Variants in ADAMTSL1 observed in about 807,000 individuals in gnomAD.
ADAMTSL1 encodes ADAMTS like 1.
A neutral mutation model predicts 201.8 loss-of-function variants in ADAMTSL1; 126 were observed. The observed-to-expected ratio is 0.62, with a 90% CI of 0.54 to 0.72. The LOEUF (loss-of-function observed/expected upper bound fraction) is 0.72, where lower values mean the gene tolerates loss of function less well. ADAMTSL1 is among the 30% of genes least tolerant of loss of function. The probability of loss-of-function intolerance (pLI) is 0.00; values close to 1 mark genes in which losing one functional copy is unlikely to be tolerated. For missense variants in ADAMTSL1, 2,679 were observed against 2,277.8 expected, an observed-to-expected ratio of 1.18 and a Z score of -3.59; for synonymous variants, 1,121 against 903.4, an observed-to-expected ratio of 1.24 and a Z score of -4.32.
At chr9:18,463,770 T>G (rs149161515) in intron 2 of ADAMTSL1, among the ~76,000 whole-genome samples, 69 of 152,342 alleles carry the variant, frequency 4.5e-4, no homozygotes, top group Middle Eastern at 3.4e-3. Flanking sequence ...AAGACTTGGG[T>G]TGCTTTTATT....
chr9:18,612,290 G>A (rs1457936522), intron 4 of ADAMTSL1, among the ~76,000 whole-genome samples: 2 of 152,178 alleles, frequency 1.3e-5, no homozygotes, highest in Admixed American at 6.5e-5. Context: ...CTTTTAGAGA[G>A]TGTTCTTTTG....
chr9:18,777,581 A>G lies in ADAMTSL1; in HGVS notation c.3352A>G (p.Thr1118Ala). The stretch of plus-strand genomic sequence containing the variant: ...CCGCAGCCACCTGGAGCACCAGGAC[A>G]CGCTCCTGAAGCCCTCGGAGCGCAG... The part of the protein sequence containing the change: ...IFRSHLEHQD[T>A]LLKPSERRTS... The change falls in exon 19 of 29, where the codon ACG (threonine) becomes GCG (alanine). Residue 1118 changes from threonine to alanine, a missense_variant. By Grantham distance (58) the Thr-to-Ala change is moderately conservative. Coordinates refer to ENST00000380548, the MANE Select transcript of ADAMTSL1 (RefSeq NM_001040272.6). 6.2e-7 allele frequency: 1 copy of G among 1,611,248 alleles called. No individual in the cohort carries two copies. The highest frequency in any genetic ancestry group is 8.5e-7 in the Non-Finnish European group (1 of 1,178,892).
intron 1 of ADAMTSL1, among the ~76,000 whole-genome samples, chr9:18,000,018 G>A (rs1424353799): frequency 2.1e-5 from 3 of 145,396 alleles, no homozygotes; most frequent in Non-Finnish European, 4.5e-5. Context: ...TGGACATTTG[G>A]GTTGGTTCCA....
intron 1 of ADAMTSL1, among the ~76,000 whole-genome samples, chr9:18,145,042 TG>T (rs1826574120): frequency 6.6e-6 from 1 of 152,178 alleles, no homozygotes; most frequent in Non-Finnish European, 1.5e-5. Flanking sequence ...AGTGAGGAGA[TG>T]GCCTCATTCT....
intron 1 of ADAMTSL1, among the ~76,000 whole-genome samples, chr9:17,965,861 T>C (rs1019916085): frequency 6.6e-6 from 1 of 152,160 alleles, no homozygotes; most frequent in East Asian, 1.9e-4. Flanking sequence ...GCGATGGGAT[T>C]CTACATCCCA....
chr9:18,389,920 T>C (rs1418026062), intron 2 of ADAMTSL1, among the ~76,000 whole-genome samples: 1 of 152,088 alleles, frequency 6.6e-6, no homozygotes, highest in Non-Finnish European at 1.5e-5. Flanking sequence ...CTTTTTACAG[T>C]GATAAGTCTC....
In ADAMTSL1 at chr9:18,479,271, G is replaced by A. The variant is rs79915980; in HGVS notation, c.63+4976G>A. ...GCAGTTAGTTAAGTTTTCTGGCCAC[G>A]TCAAGAAGATGCCCAATGGCTGTAA... On this transcript the variant is annotated intron_variant, in intron 1 of 28. Coordinates refer to ENST00000380548, the MANE Select transcript of ADAMTSL1 (RefSeq NM_001040272.6). Among the ~76,000 whole-genome samples, 6 of 152,314 alleles carry A rather than the reference G, an allele frequency of 3.9e-5. No homozygotes were observed. In the East Asian group the frequency reaches 7.7e-4, roughly 20 times the overall value.
At chr9:18,755,663 C>A (rs997244507) in intron 16 of ADAMTSL1, among the ~76,000 whole-genome samples, 4 of 152,124 alleles carry the variant, frequency 2.6e-5, no homozygotes, top group Non-Finnish European at 4.4e-5. Flanking sequence ...CCTGTATGCC[C>A]AGCATCCCTA....
At position 18,533,240 on chromosome 9, in the gene ADAMTSL1, A is replaced by T; in HGVS notation, c.192-7A>T. ...AGTAATATTTCTTTTTTCTTTTTGC[A>T]ACTTAGGAGCTGTGAAGGAAGAAAT... is the stretch of plus-strand genomic sequence containing the variant. On this transcript the variant is annotated splice_polypyrimidine_tract_variant and splice_region_variant and intron_variant, in intron 2 of 28. Transcript: ENST00000380548. 6.2e-7 allele frequency: 1 copy of T among 1,601,890 alleles called. No individual in the cohort carries two copies. The highest frequency in any genetic ancestry group is 8.5e-7 in the Non-Finnish European group (1 of 1,174,822).
intron 16 of ADAMTSL1, among the ~76,000 whole-genome samples, chr9:18,755,104 A>G (rs1341371516): frequency 6.6e-6 from 1 of 152,212 alleles, no homozygotes; most frequent in South Asian, 2.1e-4. Context: ...CCTTTCAGGG[A>G]TTAAACATGA....
intron 5 of ADAMTSL1, among the ~76,000 whole-genome samples, chr9:18,625,438 TA>T (rs1000079730): frequency 3.3e-5 from 5 of 152,068 alleles, no homozygotes; most frequent in Non-Finnish European, 7.4e-5. Context: ...ATCTTTTTAT[TA>T]AAAGACATTA....
intron 14 of ADAMTSL1, among the ~76,000 whole-genome samples, chr9:18,709,668 T>C (rs1250405315): frequency 6.6e-6 from 1 of 152,250 alleles, no homozygotes; most frequent in Non-Finnish European, 1.5e-5. Context: ...AAGCCTAACC[T>C]GCTCAGATCT....
chr9:17,965,426 A>G (rs1392156861), intron 1 of ADAMTSL1, among the ~76,000 whole-genome samples: 3 of 152,202 alleles, frequency 2.0e-5, no homozygotes, highest in East Asian at 3.9e-4. Flanking sequence ...TTCATTAAAT[A>G]CTGAATTTCT....
At chr9:18,899,458 A>C (rs115417211) in intron 26 of ADAMTSL1, among the ~76,000 whole-genome samples, 2,263 of 152,360 alleles carry the variant, frequency 0.015, 44 homozygotes, top group African/African-American at 0.042. Context: ...TTTAAAATTC[A>C]TATGAAACTG....
At position 18,730,442 on chromosome 9, in the gene ADAMTSL1, C is replaced by T. The variant is rs200592474; in HGVS notation, c.2006+8777C>T. ...TGTGAAAATATTATTCCTGTCATGG[C>T]GCCAGCCAAGGTTAGGCAGTTCTTA... On this transcript the variant is annotated intron_variant, in intron 15 of 28. Transcript: ENST00000380548. Among the ~76,000 whole-genome samples the T allele has an allele frequency of 2.6e-4, 39 of 152,356 alleles. No individual in the cohort carries two copies. In the East Asian group the frequency reaches 3.7e-3, roughly 14 times the overall value.
intron 9 of ADAMTSL1, among the ~76,000 whole-genome samples, chr9:18,664,483 G>T (rs1829308495): frequency 6.6e-6 from 1 of 152,012 alleles, no homozygotes; most frequent in African/African-American, 2.4e-5. Context: ...TCCCAAAAGG[G>T]AAAACCAACG....
At chr9:18,150,811 A>G (rs1826874903) in intron 1 of ADAMTSL1, among the ~76,000 whole-genome samples, 1 of 152,004 alleles carries the variant, frequency 6.6e-6, no homozygotes, top group Admixed American at 6.6e-5. Context: ...CAGGAAAGAC[A>G]AGTTAACCCA....
intron 1 of ADAMTSL1, among the ~76,000 whole-genome samples, chr9:18,146,444 G>T (rs1345242897): frequency 6.6e-6 from 1 of 152,130 alleles, no homozygotes; most frequent in African/African-American, 2.4e-5. Context: ...AATACATATT[G>T]CCGAGAAAAA....
intron 2 of ADAMTSL1, among the ~76,000 whole-genome samples, chr9:18,419,772 G>A (rs900903472): frequency 2.3e-4 from 32 of 137,756 alleles, no homozygotes; most frequent in Admixed American, 1.2e-3. Flanking sequence ...TTGCTCTGTC[G>A]CTCAGGCTGG....
Sources: gnomAD v4.1 joint callset for allele counts (sites outside exome capture counted in the v4.1 genomes callset) on GRCh38, gnomAD v4.1.1 for gene constraint, MANE v1.5 for transcripts, NCBI Gene and HGNC (gene_info 2026-07-23, HGNC 2026-07-21) for gene names.